ENOX1: variants seen among roughly 807,000 people sequenced by gnomAD.
ENOX1 encodes candidate growth-related and time keeping constitutive hydroquinone (NADH) oxidase.
Under a neutral mutation model 82.5 loss-of-function variants are expected in ENOX1, and 42 were observed. The observed-to-expected ratio is 0.51, with a 90% confidence interval of 0.40 to 0.66. The LOEUF is 0.66. Ranked by LOEUF, ENOX1 falls within the 30% of genes least tolerant of loss-of-function variation. The pLI, the probability that ENOX1 is intolerant of heterozygous loss-of-function variation, is 0.00. For synonymous variants in ENOX1, 271 were observed against 282.2 expected (o/e 0.96, Z 0.40); for missense variants, 608 against 811.6 (o/e 0.75, Z 3.05).
rs148233471 is a variant in ENOX1 at position 43,534,252 on chromosome 13, C to T, written c.-218-50100G>A. ...CCAGGCTCCTCTGGGCCTAGGATAA[C>T]TGCACCTGGGCTACAGGCTTGTGTT... is the stretch of plus-strand genomic sequence containing the variant. On this transcript the variant is annotated intron_variant, in intron 2 of 16. Transcript: ENST00000690772. 7.2e-5 allele frequency among the ~76,000 whole-genome samples: 11 copies of T among 152,230 alleles called. No individual in the cohort carries two copies. In the East Asian group the frequency reaches 1.9e-3, roughly 27 times the overall value.
At chr13:43,581,384 A>G (rs969930202) in intron 2 of ENOX1, among the ~76,000 whole-genome samples, 3 of 151,866 alleles carry the variant, frequency 2.0e-5, no homozygotes, top group South Asian at 2.1e-4. Flanking sequence ...CGCCCGCCTC[A>G]GCCTCCCAAA....
At chr13:43,603,123 G>GT in intron 2 of ENOX1, among the ~76,000 whole-genome samples, 1 of 151,906 alleles carries the variant, frequency 6.6e-6, no homozygotes, top group Non-Finnish European at 1.5e-5. Context: ...TGTAATAAAC[G>GT]TGTAAGACTT....
chr13:43,438,010 AC>A (rs2056134762), intron 3 of ENOX1, among the ~76,000 whole-genome samples: 1 of 152,212 alleles, frequency 6.6e-6, no homozygotes, highest in Non-Finnish European at 1.5e-5. Context: ...GCATGACAAC[AC>A]TATGATCAAA....
chr13:43,616,108 ATATCTATAGATCTATAGATATC>A (rs1362616215), intron 2 of ENOX1, among the ~76,000 whole-genome samples: 1 of 61,386 alleles, frequency 1.6e-5, no homozygotes, highest in African/African-American at 5.3e-5. Flanking sequence ...ATATAGATAG[ATATCTATAGATCTATAGATATC>A]TATCTATCTA....
At position 43,786,838 on chromosome 13, in the gene ENOX1, GCAGA is replaced by G. The variant is rs1175774955; in HGVS notation, c.-475_-472del. 1.0e-4 allele frequency: 16 copies of G among 153,308 alleles called. No homozygotes were observed. Among genetic ancestry groups the G allele is most frequent in the African/African-American group, 3.6e-4 (15 of 41,374 alleles). The allele number at this position is 153,308 out of a possible 1,614,324, so 9.5% of individuals were successfully genotyped here. ...TCCCTCTGCTGCCGCCGCCGCTGCA[GCAGA>G]CAGAGGACGCCCCGTGGCGGCTGGA... On this transcript the variant is annotated 5_prime_UTR_variant, in exon 1 of 17. Transcript: ENST00000690772. The surrounding 1 kb of genome is among the most constrained non-coding windows in gnomAD (Gnocchi z 6.0).
intron 14 of ENOX1, 39 bp from the exon 15 acceptor site, chr13:43,236,777 G>A (rs2042572866): frequency 1.6e-6 from 2 of 1,240,794 alleles, no homozygotes; most frequent in Non-Finnish European, 2.2e-6. Flanking sequence ...ATGGGTTTAT[G>A]TAGATTCTGT....
chr13:43,679,750 A>G (rs1377082326), intron 1 of ENOX1, among the ~76,000 whole-genome samples: 2 of 152,180 alleles, frequency 1.3e-5, no homozygotes, highest in African/African-American at 4.8e-5. Flanking sequence ...TGACCACTGG[A>G]TAAGTGAGGT....
In ENOX1 at chr13:43,344,623, T is replaced by G. The variant is rs1242529929; in HGVS notation, c.951A>C (p.Leu317=). 6.2e-7 allele frequency: 1 copy of G among 1,614,202 alleles called. No homozygotes were observed. Among genetic ancestry groups the G allele is most frequent in the East Asian group, 2.2e-5 (1 of 44,872 alleles). The part of the protein sequence containing the change: ...VQSANSHVRR[L]MNEKATHEQE... ...GCTCATGGGTGGCTTTTTCATTCATTAGCCGGCGGACGTGGCTGTTGGCCG... is the reference window on the plus strand; with the variant it reads ...GCTCATGGGTGGCTTTTTCATTCATGAGCCGGCGGACGTGGCTGTTGGCCG... The change falls in exon 9 of 17, where the codon CTA becomes CTC. Residue 317 remains leucine, a synonymous_variant. Transcript: ENST00000690772.
intron 2 of ENOX1, 135 bp from the exon 3 acceptor site, chr13:43,484,287 T>C (rs143282790): frequency 1.3e-4 from 51 of 380,316 alleles, no homozygotes; most frequent in South Asian, 9.1e-4. Context: ...CCCTAAATCA[T>C]CTTATTCATC....
chr13:43,643,656 C>CAT (rs922054314), intron 2 of ENOX1, among the ~76,000 whole-genome samples: 23 of 150,378 alleles, frequency 1.5e-4, no homozygotes, highest in East Asian at 5.9e-4. Flanking sequence ...TATACACACA[C>CAT]ATATATATAT....
intron 14 of ENOX1, among the ~76,000 whole-genome samples, chr13:43,260,602 T>C (rs1420858893): frequency 6.6e-6 from 1 of 152,124 alleles, no homozygotes; most frequent in Non-Finnish European, 1.5e-5. Context: ...GACACACACA[T>C]GCAAGGATCA....
chr13:43,518,374 A>T (rs1453311760), intron 2 of ENOX1, among the ~76,000 whole-genome samples: 1 of 151,962 alleles, frequency 6.6e-6, no homozygotes, highest in African/African-American at 2.4e-5. Context: ...TCAAATGTCT[A>T]TTAGCAAGCA....
chr13:43,324,976 T>A (rs73178325), intron 10 of ENOX1, among the ~76,000 whole-genome samples: 1 of 152,354 alleles, frequency 6.6e-6, no homozygotes, highest in Non-Finnish European at 1.5e-5. Flanking sequence ...CTTTTAATCA[T>A]GTTTGGTTTT....
At chr13:43,492,029 T>C (rs545883047) in intron 2 of ENOX1, among the ~76,000 whole-genome samples, 1 of 152,266 alleles carries the variant, frequency 6.6e-6, no homozygotes, top group African/African-American at 2.4e-5. Context: ...CACAGGTGCA[T>C]GGGGTGTCGC....
At chr13:43,767,491 T>C (rs1594745610) in intron 1 of ENOX1, among the ~76,000 whole-genome samples, 1 of 152,192 alleles carries the variant, frequency 6.6e-6, no homozygotes, top group Admixed American at 6.5e-5. Context: ...AACTGCCAAA[T>C]AGGGCAGGCA....
intron 5 of ENOX1, among the ~76,000 whole-genome samples, chr13:43,403,596 A>C (rs1178900569): frequency 6.6e-6 from 1 of 152,172 alleles, no homozygotes; most frequent in African/African-American, 2.4e-5. Flanking sequence ...TAATCCTACC[A>C]CTTTGGGAGG....
chr13:43,465,471 G>A (rs1387523782), intron 3 of ENOX1, among the ~76,000 whole-genome samples: 1 of 151,794 alleles, frequency 6.6e-6, no homozygotes, highest in Non-Finnish European at 1.5e-5. Flanking sequence ...GGCATACCAT[G>A]TGCTCCAAGA....
intron 3 of ENOX1, among the ~76,000 whole-genome samples, chr13:43,444,737 T>C (rs1424250956): frequency 6.6e-6 from 1 of 152,258 alleles, no homozygotes; most frequent in African/African-American, 2.4e-5. Flanking sequence ...TGTTCATTGT[T>C]CACCTTTCTT....
At chr13:43,232,900 C>T (rs1386208122) in intron 15 of ENOX1, among the ~76,000 whole-genome samples, 2 of 151,978 alleles carry the variant, frequency 1.3e-5, no homozygotes, top group Non-Finnish European at 2.9e-5. Context: ...TGATACGGAC[C>T]CAGAGAGTTA....
Sources: allele counts gnomAD v4.1 joint callset (sites outside exome capture counted in the v4.1 genomes callset), GRCh38; gene constraint gnomAD v4.1.1; non-coding constraint Gnocchi (gnomAD v3.1); transcripts MANE v1.5; gene names NCBI Gene and HGNC (gene_info 2026-07-23, HGNC 2026-07-21).